ZNF367: variants seen among roughly 807,000 people sequenced by gnomAD.
ZNF367 encodes zinc finger protein 367, also known as C2H2 zinc finger protein ZFF29.
ZNF367 carries 11 observed loss-of-function variants against 31.8 expected under a neutral mutation model. The observed-to-expected ratio is 0.35, with a 90% CI of 0.22 to 0.57. The LOEUF (loss-of-function observed/expected upper bound fraction) is 0.57, where lower values mean the gene tolerates loss of function less well. Among genes scored for constraint, ZNF367 ranks in the 20% least tolerant of loss-of-function variants. The probability of loss-of-function intolerance (pLI) is 0.85; values close to 1 mark genes in which losing one functional copy is unlikely to be tolerated. For missense variants in ZNF367, 353 were observed against 484.1 expected (o/e 0.73, Z 2.54); for synonymous variants, 199 against 202.4 (o/e 0.98, Z 0.14).
intron 4 of ZNF367, 67 bp from the exon 5 acceptor site, chr9:96,388,526 T>A: frequency 7.1e-7 from 1 of 1,411,536 alleles, no homozygotes. Flanking sequence ...ACTTTTCTTT[T>A]AAAAAGTTCC....
chr9:96,387,949 T>C lies in ZNF367; in HGVS notation c.*288A>G. 1 of 336,628 alleles carries C rather than the reference T, an allele frequency of 3.0e-6. No homozygotes were observed. Among genetic ancestry groups the C allele is most frequent in the Non-Finnish European group, 5.4e-6 (1 of 186,708 alleles). The allele number at this position is 336,628 out of a possible 1,614,324, so 20.9% of individuals were successfully genotyped here. Reference sequence around the variant, plus strand: ...TGCTTCCTGTGAGAACTGCTTCCAATGAATGCATTAAACTTGCAAAATCTA... The same window carrying C: ...TGCTTCCTGTGAGAACTGCTTCCAACGAATGCATTAAACTTGCAAAATCTA... On this transcript the variant is annotated 3_prime_UTR_variant, in exon 5 of 5. Transcript: ENST00000375256.
intron 1 of ZNF367, among the ~76,000 whole-genome samples, chr9:96,398,536 C>T (rs1282591406): frequency 1.3e-5 from 2 of 152,024 alleles, no homozygotes; most frequent in South Asian, 2.1e-4. Flanking sequence ...AAAAACAAAG[C>T]AAAAGCCTTT....
chr9:96,398,087 CAAAAAAAAAAAAAAAAAAAAAAA>C (rs374810647), intron 2 of ZNF367, 54 bp downstream of exon 2: 5 of 375,480 alleles, frequency 1.3e-5, no homozygotes, highest in African/African-American at 5.0e-5. Flanking sequence ...GAGACTATCT[CAAAAAAAAAAAAAAAAAAAAAAA>C]AAAAAAAAAA....
Position 96,416,081 on chromosome 9 carries a change from T to TG in ZNF367, c.420+1531_420+1532insC, listed in dbSNP as rs1329077058. ...ACCAGGCTCTGTTATGGTTTTTTTT[T>TG]TTGTTGTTTTTTTTTTTTTTTTTTG... On this transcript the variant is annotated intron_variant, in intron 1 of 4. Coordinates refer to ENST00000375256, the MANE Select transcript of ZNF367 (RefSeq NM_153695.4). 3.8e-4 allele frequency among the ~76,000 whole-genome samples: 56 copies of TG among 147,848 alleles called. 2 individuals are homozygous for TG. The highest frequency in any genetic ancestry group is 1.1e-3 in the African/African-American group (45 of 39,272).
In ZNF367 at chr9:96,417,952, C is replaced by T; in HGVS notation, c.81G>A (p.Pro27=). ...PPPVIFCHDS[P]KRVLVSVIRT... Reference sequence around the variant, plus strand: ...TGATGACCGACACCAGCACCCGCTTCGGGGAGTCGTGGCAGAAGATGACGG... The same window carrying T: ...TGATGACCGACACCAGCACCCGCTTTGGGGAGTCGTGGCAGAAGATGACGG... The change falls in exon 1 of 5, where the codon CCG becomes CCA. Residue 27 remains proline (P), a synonymous_variant. Transcript: ENST00000375256. The surrounding 1 kb of genome is among the most constrained non-coding windows in gnomAD (Gnocchi z 5.0). 1 of 1,496,102 alleles carries T rather than the reference C, an allele frequency of 6.7e-7. No individual in the cohort carries two copies. The highest frequency in any genetic ancestry group is 1.3e-5 in the South Asian group (1 of 79,674). The allele number at this position is 1,496,102 out of a possible 1,614,324, so 92.7% of individuals were successfully genotyped here.
chr9:96,401,495 T>C (rs767478898), intron 1 of ZNF367, among the ~76,000 whole-genome samples: 1 of 151,572 alleles, frequency 6.6e-6, no homozygotes, highest in Non-Finnish European at 1.5e-5. Flanking sequence ...CTGTCTCTAC[T>C]AAAAATACAA....
At chr9:96,414,644 A>G (rs931523438) in intron 1 of ZNF367, among the ~76,000 whole-genome samples, 2 of 152,030 alleles carry the variant, frequency 1.3e-5, no homozygotes, top group African/African-American at 4.8e-5. Context: ...CACCCAGGTA[A>G]TTTTTGTATT....
chr9:96,413,279 CATT>C (rs1157921433), intron 1 of ZNF367, among the ~76,000 whole-genome samples: 3 of 152,108 alleles, frequency 2.0e-5, no homozygotes, highest in Admixed American at 1.3e-4. Flanking sequence ...TTGCTGCTAA[CATT>C]ATGAAATGCT....
chr9:96,414,503 C>T (rs1286058101), intron 1 of ZNF367, among the ~76,000 whole-genome samples: 2 of 151,662 alleles, frequency 1.3e-5, no homozygotes. Flanking sequence ...TTTTTTAAGA[C>T]GGAGTCTCAC....
intron 1 of ZNF367, among the ~76,000 whole-genome samples, chr9:96,416,307 TG>T (rs1831830281): frequency 1.3e-5 from 2 of 151,756 alleles, no homozygotes; most frequent in South Asian, 4.2e-4. Context: ...AGGATGGTCT[TG>T]ATCTCCTGAC....
Position 96,417,395 on chromosome 9 carries a change from C to G in ZNF367, c.420+218G>C, listed in dbSNP as rs889439497. On this transcript the variant is annotated intron_variant, in intron 1 of 4. Coordinates refer to ENST00000375256, the MANE Select transcript of ZNF367 (RefSeq NM_153695.4). This position sits in a 1 kb window ranked among gnomAD's most constrained non-coding sequence, Gnocchi z 5.0. ...GCGCTCCCGCCCACTGCACCTGCCG[C>G]AAGGACGGTCTCCCGCGCCGCTCCC... Among the ~76,000 whole-genome samples the G allele has an allele frequency of 6.6e-6, 1 of 151,094 alleles. No homozygotes were observed. Among genetic ancestry groups the G allele is most frequent in the African/African-American group, 2.4e-5 (1 of 41,030 alleles).
At chr9:96,396,091 G>A (rs1436550560) in intron 2 of ZNF367, among the ~76,000 whole-genome samples, 1 of 152,092 alleles carries the variant, frequency 6.6e-6, no homozygotes, top group Non-Finnish European at 1.5e-5. Flanking sequence ...TGCTAATAGG[G>A]CTCAACTATC....
At chr9:96,407,552 A>G in intron 1 of ZNF367, 2 of 1,358,636 alleles carry the variant, frequency 1.5e-6, no homozygotes, top group Admixed American at 1.7e-5. Context: ...GTACCTGCCT[A>G]TCTGCTGGAC....
At position 96,417,336 on chromosome 9, in the gene ZNF367, G is replaced by A. The variant is rs1383467017; in HGVS notation, c.420+277C>T. On this transcript the variant is annotated intron_variant, in intron 1 of 4. Coordinates refer to ENST00000375256, the MANE Select transcript of ZNF367 (RefSeq NM_153695.4). The surrounding 1 kb of genome is among the most constrained non-coding windows in gnomAD (Gnocchi z 5.0). ...GCAGCCCGCCGGGAGGATGTCAGTG[G>A]CCGTTGACCCGGCCTCCCCAGCGAC... Among the ~76,000 whole-genome samples, 2 of 152,186 alleles carry A rather than the reference G, an allele frequency of 1.3e-5. No homozygotes were observed. Among genetic ancestry groups the A allele is most frequent in the African/African-American group, 2.4e-5 (1 of 41,536 alleles).
intron 1 of ZNF367, among the ~76,000 whole-genome samples, chr9:96,403,777 T>TAACAAATGGTTCTGGG: frequency 1.3e-5 from 2 of 152,360 alleles, no homozygotes; most frequent in African/African-American, 4.8e-5. Context: ...ATAGTCTCTT[T>TAACAAATGGTTCTGGG]AACAAATGGT....
chr9:96,398,345 AT>A lies in ZNF367; in HGVS notation c.421-32del, dbSNP rs777420111. On this transcript the variant is annotated intron_variant, in intron 1 of 4. Transcript: ENST00000375256. ...GATAATTTTTATAAACATTAATATA[AT>A]TTATTTAACGCTACTCATTAAAGCA... The A allele has an allele frequency of 1.2e-5, 19 of 1,577,776 alleles. No homozygotes were observed. In the South Asian group the frequency reaches 2.2e-4, roughly 18 times the overall value.
Position 96,404,949 on chromosome 9 carries a change from A to G in ZNF367, c.421-6635T>C, listed in dbSNP as rs564162356. Among the ~76,000 whole-genome samples, 40 of 152,310 alleles carry G rather than the reference A, an allele frequency of 2.6e-4. 1 individual carries two copies. The South Asian group carries it at 3.1e-3, about 12-fold the overall frequency. On this transcript the variant is annotated intron_variant, in intron 1 of 4. Coordinates refer to ENST00000375256, the MANE Select transcript of ZNF367 (RefSeq NM_153695.4). ...AAAAAACTCAATTAAAAAATAGGCA[A>G]ATGACTTGAACAGACATTTCTCCAA...
At chr9:96,411,930 C>A (rs992912640) in intron 1 of ZNF367, among the ~76,000 whole-genome samples, 2 of 152,088 alleles carry the variant, frequency 1.3e-5, no homozygotes, top group African/African-American at 4.8e-5. Flanking sequence ...TGGGTTCATG[C>A]GATTCTCCTG....
chr9:96,398,369 G>A, intron 1 of ZNF367, 55 bp from the exon 2 acceptor site: 1 of 1,485,770 alleles, frequency 6.7e-7, no homozygotes, highest in South Asian at 1.3e-5. Context: ...ACTCATTAAA[G>A]CAACGTATCA....
Sources: allele counts gnomAD v4.1 joint callset (sites outside exome capture counted in the v4.1 genomes callset), GRCh38; gene constraint gnomAD v4.1.1; non-coding constraint Gnocchi (gnomAD v3.1); transcripts MANE v1.5; gene names NCBI Gene and HGNC (gene_info 2026-07-23, HGNC 2026-07-21).